The following TTC8 variants were observed in gnomAD, a reference collection of about 807,000 sequenced individuals.
The protein encoded by TTC8 is tetratricopeptide repeat domain 8.
Under a neutral mutation model 72.5 loss-of-function variants are expected in TTC8, and 47 were observed. The observed-to-expected ratio is 0.65, with a 90% CI of 0.51 to 0.83. The LOEUF is 0.83. Among genes scored for constraint, TTC8 ranks in the 40% least tolerant of loss-of-function variants. The pLI is 0.00. For synonymous variants in TTC8, 199 were observed against 221.4 expected (o/e 0.90, Z 0.90); for missense variants, 611 against 623.2 (o/e 0.98, Z 0.21).
intron 7 of TTC8, chr14:88,846,447 A>G (rs2094806983): frequency 2.1e-6 from 1 of 483,420 alleles, no homozygotes; most frequent in Non-Finnish European, 3.7e-6. Flanking sequence ...GGTCCTGAGT[A>G]GAAGCATGCT....
At chr14:88,836,156 C>A (rs55782986) in intron 2 of TTC8, among the ~76,000 whole-genome samples, 16,446 of 152,024 alleles carry the variant, frequency 0.11, 2,426 homozygotes, top group African/African-American at 0.32. Flanking sequence ...ATTTTTCTAT[C>A]TTTTTGAAAA....
intron 2 of TTC8, among the ~76,000 whole-genome samples, chr14:88,838,067 A>G (rs539994147): frequency 6.6e-6 from 1 of 152,328 alleles, no homozygotes; most frequent in Non-Finnish European, 1.5e-5. Flanking sequence ...TCACTTTGGG[A>G]ACCTAAATAT....
chr14:88,843,630 A>G (rs2094792437), intron 6 of TTC8, among the ~76,000 whole-genome samples, 176 bp from the exon 7 acceptor site: 1 of 152,142 alleles, frequency 6.6e-6, no homozygotes, highest in Non-Finnish European at 1.5e-5. Flanking sequence ...TGAGCATTCC[A>G]GTTTGTATTC....
upstream of TTC8, chr14:88,824,439 T>C: frequency 4.2e-6 from 2 of 478,300 alleles, no homozygotes; most frequent in Non-Finnish European, 7.6e-6. Context: ...TACCTTTTTG[T>C]TTAGCCGCGG....
chr14:88,865,259 A>G (rs993150446), intron 10 of TTC8, among the ~76,000 whole-genome samples: 4 of 152,196 alleles, frequency 2.6e-5, no homozygotes, highest in African/African-American at 9.6e-5. Flanking sequence ...GATGGGAAGT[A>G]TGACCCATCC....
intron 10 of TTC8, among the ~76,000 whole-genome samples, chr14:88,863,685 T>C (rs1383843861): frequency 6.6e-6 from 1 of 152,356 alleles, no homozygotes; most frequent in South Asian, 2.1e-4. Context: ...TTTCTAAGAA[T>C]AGTGGTCTCA....
intron 1 of TTC8, among the ~76,000 whole-genome samples, chr14:88,827,809 A>G (rs2094708380): frequency 6.6e-6 from 1 of 152,218 alleles, no homozygotes; most frequent in Admixed American, 6.5e-5. Flanking sequence ...TGATGCAATT[A>G]AAGAAGAGCT....
intron 14 of TTC8, among the ~76,000 whole-genome samples, chr14:88,875,444 G>T (rs1462561042): frequency 6.6e-6 from 1 of 152,114 alleles, no homozygotes; most frequent in Non-Finnish European, 1.5e-5. Context: ...ACAAAATCCT[G>T]TGCATTATTT....
At chr14:88,824,861 G>C in intron 1 of TTC8, 40 bp downstream of exon 1, 2 of 1,541,334 alleles carry the variant, frequency 1.3e-6, no homozygotes, top group Non-Finnish European at 1.8e-6. Context: ...TCCTGACGCT[G>C]AGGCTGCGGG....
chr14:88,840,445 A>G (rs7141251), intron 3 of TTC8, among the ~76,000 whole-genome samples: 74,792 of 151,938 alleles, frequency 0.49, 20,456 homozygotes, highest in African/African-American at 0.74. Flanking sequence ...TTCTTTTAGA[A>G]TTAAAAATAT....
chr14:88,827,691 C>G (rs748527068), intron 1 of TTC8, among the ~76,000 whole-genome samples: 1 of 152,062 alleles, frequency 6.6e-6, no homozygotes, highest in Non-Finnish European at 1.5e-5. Context: ...GTATTTTGCA[C>G]CCAGTTGTTA....
At position 88,877,312 on chromosome 14, in the gene TTC8, A is replaced by G. The variant is rs113050550; in HGVS notation, c.1450A>G (p.Ser484Gly). ...TTTGCAGATTGGAGATCTGCAGAGA[A>G]GCTATGTTGCTGCGCAGAAGTCTGA... ...ISDKIGDLQR[S>G]YVAAQKSEAA... is the part of the protein sequence containing the mutation. The change falls in exon 15 of 15, where the codon AGC becomes GGC. Residue 484 changes from serine (S) to glycine (G), a missense_variant. Ser to Gly is a moderately conservative substitution (Grantham distance 56). Coordinates refer to ENST00000380656, the MANE Select transcript of TTC8 (RefSeq NM_144596.4). 1.2e-6 allele frequency: 2 copies of G among 1,613,658 alleles called. No homozygotes were observed. The highest frequency in any genetic ancestry group is 2.2e-5 in the South Asian group (2 of 91,068).
chr14:88,875,497 A>G (rs761280943), intron 14 of TTC8, among the ~76,000 whole-genome samples: 4 of 152,214 alleles, frequency 2.6e-5, no homozygotes, highest in Non-Finnish European at 5.9e-5. Context: ...ATTGCTGTAA[A>G]ATTAGTGATA....
At position 88,849,956 on chromosome 14, in the gene TTC8, A is replaced by G. The variant is rs189891787; in HGVS notation, c.625-3015A>G. On this transcript the variant is annotated intron_variant, in intron 7 of 14. Coordinates refer to ENST00000380656, the MANE Select transcript of TTC8 (RefSeq NM_144596.4). Reference sequence around the variant, plus strand: ...TCATCATCCTGAAGTTGTTACAACTATAACAACAGTGAAAGGATGACTTTT... The same window carrying G: ...TCATCATCCTGAAGTTGTTACAACTGTAACAACAGTGAAAGGATGACTTTT... 1.6e-3 allele frequency among the ~76,000 whole-genome samples: 240 copies of G among 152,282 alleles called. 1 individual carries two copies. The highest frequency in any genetic ancestry group is 5.6e-3 in the African/African-American group (232 of 41,564).
chr14:88,869,832 C>T (rs2094926218), intron 10 of TTC8, among the ~76,000 whole-genome samples: 1 of 152,160 alleles, frequency 6.6e-6, no homozygotes, highest in South Asian at 2.1e-4. Context: ...ACTTAACCTT[C>T]TCTTATATTA....
chr14:88,858,754 ATT>A (rs138871136), intron 9 of TTC8, among the ~76,000 whole-genome samples: 3,262 of 86,750 alleles, frequency 0.038, 117 homozygotes, highest in African/African-American at 0.11. Flanking sequence ...TGCCTGGATA[ATT>A]TTTTTTTTTT....
rs2094962082 is a variant in TTC8, at chr14:88,877,486, T to C, written c.*76T>C. 8.8e-7 allele frequency: 1 copy of C among 1,130,380 alleles called. No individual in the cohort carries two copies. Among genetic ancestry groups the C allele is most frequent in the African/African-American group, 1.5e-5 (1 of 65,574 alleles). 70.0% of individuals were successfully genotyped at this position (1,130,380 alleles called of 1,614,324 possible). The stretch of plus-strand genomic sequence containing the variant: ...AAAAAGCACTATGTCTGTGTATGTA[T>C]GTATATAGTGTAATACGTATATTTT... On this transcript the variant is annotated 3_prime_UTR_variant, in exon 15 of 15. Transcript: ENST00000380656.
intron 2 of TTC8, among the ~76,000 whole-genome samples, chr14:88,836,034 T>A (rs551195865): frequency 6.6e-6 from 1 of 152,294 alleles, no homozygotes; most frequent in Non-Finnish European, 1.5e-5. Context: ...TCTCAAACAC[T>A]GATAAAATTT....
Position 88,872,447 on chromosome 14 carries a change from G to T in TTC8, c.1342G>T (p.Glu448Ter). 1 of 1,613,760 alleles carries T rather than the reference G, an allele frequency of 6.2e-7. No homozygotes were observed. Among genetic ancestry groups the T allele is most frequent in the South Asian group, 1.1e-5 (1 of 91,054 alleles). Residue 448 changes from glutamate (E) to a stop codon, truncating the protein, a stop_gained, in exon 13 of 15, where the codon GAA becomes TAA. Coordinates refer to ENST00000380656, the MANE Select transcript of TTC8 (RefSeq NM_144596.4). LOFTEE classifies it high-confidence loss of function. The stretch of plus-strand genomic sequence containing the variant: ...GCTGGAGATGCGGAAGGGCCACGTT[G>T]AACAGGTCAGTGAACTGGCAGCGGC... ...AVLEMRKGHVEQARALLQTAS... is the reference protein window; with the variant it reads ...AVLEMRKGHV
Sources: allele counts gnomAD v4.1 joint callset (sites outside exome capture counted in the v4.1 genomes callset), GRCh38; gene constraint gnomAD v4.1.1; transcripts MANE v1.5; gene names NCBI Gene and HGNC (gene_info 2026-07-23, HGNC 2026-07-21).